Variants in HGD observed in about 807,000 individuals in gnomAD.
The protein encoded by HGD is homogentisate 1,2-dioxygenase.
In HGD, 61 loss-of-function variants were observed where a neutral mutation model predicts 60.8. That is an observed-to-expected ratio of 1.00 (90% confidence interval 0.82 to 1.24). The LOEUF is 1.24. Ranked by LOEUF, HGD falls within the 50% of genes most tolerant of loss-of-function variation. The pLI is 0.00. For synonymous variants in HGD, 212 were observed against 187.7 expected (o/e 1.13, Z -1.06); for missense variants, 542 against 547.1 (o/e 0.99, Z 0.09).
chr3:120,648,959 G>A (rs1166710092), intron 6 of HGD, among the ~76,000 whole-genome samples: 5 of 152,060 alleles, frequency 3.3e-5, no homozygotes, highest in Non-Finnish European at 7.4e-5. Flanking sequence ...TATCAGCAGG[G>A]ACCTATTGAA....
chr3:120,644,283 C>T, intron 10 of HGD, 36 bp downstream of exon 10: 1 of 1,612,878 alleles, frequency 6.2e-7, no homozygotes, highest in Non-Finnish European at 8.5e-7. Context: ...AATCACTCTT[C>T]ATTTCCTCCC....
chr3:120,661,549 C>T (rs529946772), intron 4 of HGD, among the ~76,000 whole-genome samples: 2 of 152,154 alleles, frequency 1.3e-5, no homozygotes, highest in African/African-American at 4.8e-5. Context: ...GTGCAAATAA[C>T]TTTGGAAGAG....
rs397515346 is a variant in HGD at position 120,647,888 on chromosome 3, T to TC, written c.457dup (p.Asp153GlyfsTer26). The TC allele has an allele frequency of 2.3e-5, 37 of 1,612,288 alleles. No homozygotes were observed. Among genetic ancestry groups the TC allele is most frequent in the Admixed American group, 5.0e-5 (3 of 59,990 alleles). ...TCTTCAGAACTCACCAATCAAGAAG[T>TC]CCCCATCTGAATTGTAAAAGCATCT... is the stretch of plus-strand genomic sequence containing the variant. On this transcript the variant is annotated frameshift_variant, in exon 7 of 14. Coordinates refer to ENST00000283871, the MANE Select transcript of HGD (RefSeq NM_000187.4). LOFTEE classifies it high-confidence loss of function.
At chr3:120,679,879 A>G (rs1401081325) in intron 1 of HGD, among the ~76,000 whole-genome samples, 2 of 152,244 alleles carry the variant, frequency 1.3e-5, no homozygotes, top group African/African-American at 4.8e-5. Flanking sequence ...TCTGACCTCC[A>G]CAACTTCAAG....
intron 8 of HGD, 82 bp downstream of exon 8, chr3:120,646,891 A>T: frequency 9.1e-7 from 1 of 1,097,628 alleles, no homozygotes; most frequent in Admixed American, 1.7e-5. Context: ...GAAATTTTAG[A>T]GTTGGAAATA....
chr3:120,632,693 C>T (rs1940627687), intron 13 of HGD, among the ~76,000 whole-genome samples: 1 of 152,312 alleles, frequency 6.6e-6, no homozygotes, highest in South Asian at 2.1e-4. Flanking sequence ...GACTCTGAGA[C>T]ATAGCATATG....
chr3:120,665,393 T>C (rs1707876356), intron 4 of HGD, among the ~76,000 whole-genome samples: 1 of 152,164 alleles, frequency 6.6e-6, no homozygotes, highest in Non-Finnish European at 1.5e-5. Context: ...GAAAAATAAA[T>C]TTTAAAGGAC....
chr3:120,675,326 T>C (rs1489951897), intron 2 of HGD, among the ~76,000 whole-genome samples: 1 of 147,180 alleles, frequency 6.8e-6, no homozygotes, highest in African/African-American at 2.5e-5. Flanking sequence ...TCAGGCATTT[T>C]TTCCTTTTTT....
At position 120,628,845 on chromosome 3, in the gene HGD, G is replaced by A. The variant is rs534000827; in HGVS notation, c.1189-316C>T. ...GGAACTAAGTCTGCTAGATCCAAGGGCAGACATGGGAGAATCCTGGGAATA... is the reference window on the plus strand; with the variant it reads ...GGAACTAAGTCTGCTAGATCCAAGGACAGACATGGGAGAATCCTGGGAATA... On this transcript the variant is annotated intron_variant, in intron 13 of 13. Transcript: ENST00000283871. Among the ~76,000 whole-genome samples, 7 of 152,306 alleles carry A rather than the reference G, an allele frequency of 4.6e-5. No homozygotes were observed. The East Asian group carries it at 1.4e-3, about 29-fold the overall frequency.
intron 5 of HGD, among the ~76,000 whole-genome samples, chr3:120,651,661 C>T (rs1005648060): frequency 6.6e-5 from 10 of 152,172 alleles, no homozygotes; most frequent in African/African-American, 2.4e-4. Context: ...AGTGTCCCTA[C>T]GTAAGCCATG....
intron 9 of HGD, 68 bp from the exon 10 acceptor site, chr3:120,644,511 T>G (rs1941098571): frequency 1.2e-6 from 2 of 1,610,356 alleles, no homozygotes; most frequent in Non-Finnish European, 1.7e-6. Flanking sequence ...CATGGTTGCA[T>G]GAAGAGAAAG....
chr3:120,653,956 C>G (rs1941417922), intron 4 of HGD, among the ~76,000 whole-genome samples: 1 of 152,146 alleles, frequency 6.6e-6, no homozygotes, highest in African/African-American at 2.4e-5. Context: ...AAAAATGTCT[C>G]CAGAAATTGC....
At chr3:120,671,805 C>T (rs1281555893) in intron 3 of HGD, among the ~76,000 whole-genome samples, 1 of 152,078 alleles carries the variant, frequency 6.6e-6, no homozygotes, top group Non-Finnish European at 1.5e-5. Context: ...TACTATGCAG[C>T]CATAAAAAGG....
chr3:120,672,262 T>C (rs1708039847), intron 3 of HGD, among the ~76,000 whole-genome samples: 1 of 152,218 alleles, frequency 6.6e-6, no homozygotes, highest in Non-Finnish European at 1.5e-5. Flanking sequence ...TTTTAAAGTG[T>C]GTCCTCTCTA....
chr3:120,642,010 T>G (rs1291072085), intron 10 of HGD, among the ~76,000 whole-genome samples: 1 of 152,198 alleles, frequency 6.6e-6, no homozygotes, highest in African/African-American at 2.4e-5. Context: ...GATCTGTGGA[T>G]GTCAGCAGTT....
chr3:120,646,777 T>C (rs1048403568), intron 8 of HGD, among the ~76,000 whole-genome samples, 196 bp downstream of exon 8: 2 of 152,208 alleles, frequency 1.3e-5, no homozygotes, highest in African/African-American at 4.8e-5. Flanking sequence ...TTTAGAATTA[T>C]GTGCTATATT....
chr3:120,629,568 A>C (rs1161070739), intron 13 of HGD, among the ~76,000 whole-genome samples: 1 of 152,202 alleles, frequency 6.6e-6, no homozygotes, highest in East Asian at 1.9e-4. Flanking sequence ...CTTTCAATAA[A>C]ATTCAGTATA....
intron 4 of HGD, 87 bp downstream of exon 4, chr3:120,670,340 T>C (rs1707997202): frequency 1.3e-6 from 1 of 792,952 alleles, no homozygotes; most frequent in Admixed American, 1.7e-5. Flanking sequence ...ACTATCTATT[T>C]TTTCCAATGA....
At chr3:120,644,247 C>T (rs1402438461) in intron 10 of HGD, 72 bp downstream of exon 10, 2 of 1,582,470 alleles carry the variant, frequency 1.3e-6, no homozygotes, top group Non-Finnish European at 8.6e-7. Context: ...GTTTGTAACA[C>T]TCGCCTTGGC....
Sources: allele counts gnomAD v4.1 joint callset (sites outside exome capture counted in the v4.1 genomes callset), GRCh38; gene constraint gnomAD v4.1.1; transcripts MANE v1.5; gene names NCBI Gene and HGNC (gene_info 2026-07-23, HGNC 2026-07-21).